Variants in ZNF451 observed in about 807,000 individuals in gnomAD.
ZNF451 encodes the protein E3 SUMO-protein ligase ZNF451.
In ZNF451, 80 loss-of-function variants were observed where a neutral mutation model predicts 107.1. The observed-to-expected ratio is 0.75, with a 90% CI of 0.62 to 0.90. ZNF451 has a LOEUF of 0.90. Ranked by LOEUF, ZNF451 falls within the 40% of genes least tolerant of loss-of-function variation. The pLI, the probability that ZNF451 is intolerant of heterozygous loss-of-function variation, is 0.00. For missense variants in ZNF451, 1,107 were observed against 1,236.2 expected (o/e 0.90, Z 1.57); for synonymous variants, 362 against 406.5 (o/e 0.89, Z 1.32).
intron 3 of ZNF451, chr6:57,104,168 T>A: frequency 1.0e-6 from 1 of 985,396 alleles, no homozygotes. Context: ...ACAAAGTGTC[T>A]TTCAAACTAA....
chr6:57,106,726 TAATTGATTGTCTCATCTGTA>T, intron 3 of ZNF451: 1 of 985,092 alleles, frequency 1.0e-6, no homozygotes, highest in Non-Finnish European at 1.2e-6. Context: ...GCTAGTCCAA[TAATTGATTGTCTCATCTGTA>T]TGCATCTTAT....
chr6:57,107,610 TCTTAAAGTTA>T lies in ZNF451; in HGVS notation c.186+8470_186+8479del, dbSNP rs1047267915. 28 of 985,216 alleles carry T rather than the reference TCTTAAAGTTA, an allele frequency of 2.8e-5. No individual in the cohort carries two copies. The Admixed American group carries it at 1.7e-3, about 58-fold the overall frequency. The allele number at this position is 985,216 out of a possible 1,614,324, so 61.0% of individuals were successfully genotyped here. A position where few individuals can be genotyped will look rare whatever the true frequency, so the allele number is the denominator to read the frequency against. On this transcript the variant is annotated intron_variant, in intron 3 of 14. Transcript: ENST00000370706. ...TTTATTATAATACAGCTCTGATATA[TCTTAAAGTTA>T]ACCCGTTTTCCGTAGATGTTAAGGG...
At chr6:57,134,650 G>A (rs1249131731) in intron 6 of ZNF451, 94 bp from the exon 7 acceptor site, 2 of 1,092,258 alleles carry the variant, frequency 1.8e-6, no homozygotes, top group East Asian at 4.8e-5. Flanking sequence ...CTGAATGTGT[G>A]TGTATGTGTT....
intron 3 of ZNF451, chr6:57,099,388 T>TA: frequency 2.8e-6 from 2 of 705,700 alleles, no homozygotes; most frequent in Admixed American, 2.1e-5. Context: ...TTAGAGGTGA[T>TA]ATCTGATAAA....
chr6:57,140,482 G>T (rs545296753), intron 7 of ZNF451, among the ~76,000 whole-genome samples: 79 of 152,220 alleles, frequency 5.2e-4, no homozygotes, highest in Non-Finnish European at 8.8e-4. Context: ...AGTACTAGGG[G>T]ATATGTGAAT....
At chr6:57,161,876 C>A (rs891019752) in intron 14 of ZNF451, among the ~76,000 whole-genome samples, 2 of 152,064 alleles carry the variant, frequency 1.3e-5, no homozygotes, top group Non-Finnish European at 2.9e-5. Flanking sequence ...AATTAAAATT[C>A]TCTTTTACTC....
chr6:57,163,701 C>T (rs568436592), intron 14 of ZNF451, among the ~76,000 whole-genome samples: 244 of 151,574 alleles, frequency 1.6e-3, no homozygotes, highest in Admixed American at 2.8e-3. Context: ...CCGCCTGCCT[C>T]GGCCTCCCAA....
At chr6:57,121,988 T>TCC (rs1830659752) in intron 3 of ZNF451, among the ~76,000 whole-genome samples, 2 of 141,546 alleles carry the variant, frequency 1.4e-5, no homozygotes, top group Non-Finnish European at 3.3e-5. Flanking sequence ...ACTACAAGGC[T>TCC]ACAGTAACCA....
chr6:57,123,705 T>C (rs367814804), intron 3 of ZNF451, among the ~76,000 whole-genome samples: 1 of 152,198 alleles, frequency 6.6e-6, no homozygotes, highest in East Asian at 1.9e-4. Flanking sequence ...TATTTCATTA[T>C]AGTTTTGTAG....
intron 3 of ZNF451, chr6:57,106,508 G>A (rs1432115131): frequency 1.4e-6 from 1 of 693,352 alleles, no homozygotes; most frequent in African/African-American, 1.9e-5. Context: ...GTCTCTCCAT[G>A]TTGGTCAGGC....
intron 13 of ZNF451, among the ~76,000 whole-genome samples, chr6:57,159,984 T>G (rs544415852): frequency 6.6e-6 from 1 of 152,314 alleles, no homozygotes; most frequent in South Asian, 2.1e-4. Context: ...TGTATAATTA[T>G]GTCTTGATAT....
chr6:57,112,195 C>A (rs1830147473), intron 3 of ZNF451, among the ~76,000 whole-genome samples: 1 of 152,042 alleles, frequency 6.6e-6, no homozygotes, highest in African/African-American at 2.4e-5. Flanking sequence ...GTAAACAGAA[C>A]TTTGGGGGGT....
At chr6:57,168,310 A>T in intron 14 of ZNF451, 113 bp from the exon 15 acceptor site, 2 of 710,834 alleles carry the variant, frequency 2.8e-6, no homozygotes, top group Non-Finnish European at 2.3e-6. Context: ...GTGTTTTTCC[A>T]TTTTGATTTT....
intron 3 of ZNF451, chr6:57,102,205 T>G: frequency 7.0e-7 from 1 of 1,424,640 alleles, no homozygotes; most frequent in Non-Finnish European, 9.1e-7. Flanking sequence ...AAAAACTGGA[T>G]GCATGTCTGG....
chr6:57,105,748 A>G (rs1829822587), intron 3 of ZNF451: 2 of 985,376 alleles, frequency 2.0e-6, no homozygotes, highest in Non-Finnish European at 2.4e-6. Context: ...CCATGATAAC[A>G]CAACTTATAT....
Position 57,113,974 on chromosome 6 carries a change from C to T in ZNF451, c.187-10760C>T, listed in dbSNP as rs551105255. On this transcript the variant is annotated intron_variant, in intron 3 of 14. Coordinates refer to ENST00000370706, the MANE Select transcript of ZNF451 (RefSeq NM_001031623.3). ...AGAGCCAGTTCTGTCTGGCATTTAG[C>T]TTCCTAAACCATACTACATTTTCAG... 2.0e-5 allele frequency among the ~76,000 whole-genome samples: 3 copies of T among 152,308 alleles called. No homozygotes were observed. In the South Asian group the frequency reaches 6.2e-4, roughly 32 times the overall value.
chr6:57,096,838 C>G (rs1194622745), intron 2 of ZNF451, among the ~76,000 whole-genome samples: 1 of 140,824 alleles, frequency 7.1e-6, no homozygotes, highest in East Asian at 2.1e-4. Flanking sequence ...TGCAGTGGCA[C>G]CATCTCAGCT....
In ZNF451 at chr6:57,168,558, C is replaced by A. The variant is rs901804025; in HGVS notation, c.*89C>A. The A allele has an allele frequency of 3.0e-6, 3 of 987,532 alleles. No homozygotes were observed. Among genetic ancestry groups the A allele is most frequent in the African/African-American group, 3.3e-5 (2 of 61,120 alleles). 61.2% of individuals were successfully genotyped at this position (987,532 alleles called of 1,614,324 possible). On this transcript the variant is annotated 3_prime_UTR_variant, in exon 15 of 15. Coordinates refer to ENST00000370706, the MANE Select transcript of ZNF451 (RefSeq NM_001031623.3). ...TTGTTTTCTAAAGGAGACCAGAAATCCACTATTACAAATGTATTTGAAAAC... is the reference window on the plus strand; with the variant it reads ...TTGTTTTCTAAAGGAGACCAGAAATACACTATTACAAATGTATTTGAAAAC...
intron 9 of ZNF451, among the ~76,000 whole-genome samples, chr6:57,145,376 T>G (rs1832011878): frequency 6.6e-6 from 1 of 152,234 alleles, no homozygotes; most frequent in African/African-American, 2.4e-5. Flanking sequence ...CTCAGATATC[T>G]GGGCTTTTAA....
Sources: allele counts gnomAD v4.1 joint callset (sites outside exome capture counted in the v4.1 genomes callset), GRCh38; gene constraint gnomAD v4.1.1; transcripts MANE v1.5; gene names NCBI Gene and HGNC (gene_info 2026-07-23, HGNC 2026-07-21).